N4BP1: variants seen among roughly 807,000 people sequenced by gnomAD.
N4BP1 encodes NEDD4 binding protein 1.
Under a neutral mutation model 70.9 loss-of-function variants are expected in N4BP1, and 21 were observed. The observed-to-expected ratio is 0.30, with a 90% confidence interval of 0.21 to 0.43. The LOEUF (loss-of-function observed/expected upper bound fraction) is 0.43. Ranked by LOEUF, N4BP1 falls within the 20% of genes least tolerant of loss-of-function variation. N4BP1 has a pLI of 1.00. For synonymous variants in N4BP1, 387 were observed against 394.6 expected (o/e 0.98, Z 0.23); for missense variants, 936 against 1,069.4 (o/e 0.88, Z 1.74).
chr16:48,549,533 G>C (rs1257950306), intron 4 of N4BP1, among the ~76,000 whole-genome samples: 1 of 152,190 alleles, frequency 6.6e-6, no homozygotes, highest in Admixed American at 6.5e-5. Context: ...AGCCCTGCAG[G>C]GTCCCTGCCC....
At chr16:48,555,971 G>A (rs1159817154) in intron 2 of N4BP1, among the ~76,000 whole-genome samples, 4 of 152,162 alleles carry the variant, frequency 2.6e-5, no homozygotes, top group African/African-American at 9.7e-5. Flanking sequence ...GGCAAGAGGA[G>A]GAACTGGATA....
intron 1 of N4BP1, among the ~76,000 whole-genome samples, chr16:48,575,144 C>T (rs958383778): frequency 5.3e-5 from 8 of 152,070 alleles, no homozygotes; most frequent in Admixed American, 2.0e-4. Context: ...GTAGCAACAA[C>T]GGATTATTAT....
intron 1 of N4BP1, among the ~76,000 whole-genome samples, chr16:48,589,316 T>G (rs11647048): frequency 0.36 from 54,452 of 151,662 alleles, 9,957 homozygotes; most frequent in African/African-American, 0.42. Flanking sequence ...TGACAGGGTC[T>G]CAACCCTACT....
intron 1 of N4BP1, among the ~76,000 whole-genome samples, chr16:48,598,100 C>T (rs371455025): frequency 1.3e-5 from 2 of 152,194 alleles, no homozygotes; most frequent in East Asian, 1.9e-4. Context: ...GATGTGCATG[C>T]CATATGAGAC....
chr16:48,593,884 G>A (rs573135099), intron 1 of N4BP1, among the ~76,000 whole-genome samples: 3 of 151,444 alleles, frequency 2.0e-5, no homozygotes, highest in African/African-American at 7.3e-5. Context: ...TGCCTGTAGT[G>A]CCAGCTACTC....
chr16:48,605,284 C>T (rs1477177540), intron 1 of N4BP1, among the ~76,000 whole-genome samples: 1 of 152,126 alleles, frequency 6.6e-6, no homozygotes, highest in African/African-American at 2.4e-5. Context: ...GACCACTCGG[C>T]ATCCCAAAGT....
rs140639490 is a variant in N4BP1 at position 48,597,268 on chromosome 16, G to A, written c.198+12507C>T. 1.2e-4 allele frequency among the ~76,000 whole-genome samples: 18 copies of A among 152,262 alleles called. No homozygotes were observed. In the East Asian group the frequency reaches 1.5e-3, roughly 13 times the overall value. On this transcript the variant is annotated intron_variant, in intron 1 of 6. Transcript: ENST00000262384. ...AGAGGACAAGGTGAACCCGTTGGGCGGTTACATTGGTATCAACTTCCTGAA... is the reference window on the plus strand; with the variant it reads ...AGAGGACAAGGTGAACCCGTTGGGCAGTTACATTGGTATCAACTTCCTGAA...
intron 1 of N4BP1, among the ~76,000 whole-genome samples, chr16:48,566,980 C>T (rs1042159952): frequency 1.3e-5 from 2 of 152,188 alleles, no homozygotes; most frequent in Admixed American, 6.5e-5. Context: ...TCTCTGGTAA[C>T]TTTCTTTGCT....
chr16:48,560,262 C>T (rs1963833591), intron 2 of N4BP1, among the ~76,000 whole-genome samples: 1 of 152,156 alleles, frequency 6.6e-6, no homozygotes, highest in Non-Finnish European at 1.5e-5. Flanking sequence ...CAGTGAAGCT[C>T]AAAGTGACTA....
chr16:48,557,225 A>C (rs540029428), intron 2 of N4BP1, among the ~76,000 whole-genome samples: 4 of 152,308 alleles, frequency 2.6e-5, no homozygotes, highest in Non-Finnish European at 4.4e-5. Flanking sequence ...CTATTGCTTA[A>C]GGACCAAATA....
At chr16:48,555,837 C>T (rs1460603441) in intron 2 of N4BP1, among the ~76,000 whole-genome samples, 1 of 152,154 alleles carries the variant, frequency 6.6e-6, no homozygotes, top group African/African-American at 2.4e-5. Context: ...TATATTTAGT[C>T]CTCAAAAGGA....
At chr16:48,549,710 G>A (rs189744245) in intron 4 of N4BP1, among the ~76,000 whole-genome samples, 74 of 152,336 alleles carry the variant, frequency 4.9e-4, no homozygotes, top group Non-Finnish European at 8.1e-4. Flanking sequence ...GCAAGGGACT[G>A]TCAATGAGAA....
At chr16:48,587,861 T>C (rs1265598402) in intron 1 of N4BP1, among the ~76,000 whole-genome samples, 1 of 152,174 alleles carries the variant, frequency 6.6e-6, no homozygotes, top group Non-Finnish European at 1.5e-5. Context: ...TTAAGGTCAA[T>C]TCCTGGAAAG....
chr16:48,605,537 C>T (rs572210345), intron 1 of N4BP1, among the ~76,000 whole-genome samples: 1 of 152,332 alleles, frequency 6.6e-6, no homozygotes, highest in African/African-American at 2.4e-5. Flanking sequence ...TGTCTTCCAG[C>T]ACTGACTTCT....
intron 2 of N4BP1, among the ~76,000 whole-genome samples, chr16:48,554,132 T>G (rs1280786626): frequency 2.0e-5 from 3 of 149,130 alleles, no homozygotes; most frequent in African/African-American, 5.0e-5. Flanking sequence ...TGGGGGGCCG[T>G]GAAAGGCTAT....
At chr16:48,591,983 CT>C (rs1319841950) in intron 1 of N4BP1, among the ~76,000 whole-genome samples, 2 of 150,626 alleles carry the variant, frequency 1.3e-5, no homozygotes, top group South Asian at 4.3e-4. Flanking sequence ...ACAAAATGTA[CT>C]TTAAGGGATG....
chr16:48,606,136 C>T (rs1315908973), intron 1 of N4BP1, among the ~76,000 whole-genome samples: 1 of 152,128 alleles, frequency 6.6e-6, no homozygotes, highest in African/African-American at 2.4e-5. Context: ...AGAAGTCTTC[C>T]TTAAATGTTG....
At position 48,543,264 on chromosome 16, in the gene N4BP1, G is replaced by A; in HGVS notation, c.2334-3C>T. ...CACTGAGTAGGGGCTGCATATCTCT[G>A]TGAATGGAAGTGAGTCCTGGTGAGT... On this transcript the variant is annotated splice_polypyrimidine_tract_variant and splice_region_variant and intron_variant, in intron 6 of 6. Transcript: ENST00000262384. 12 of 1,506,530 alleles carry A rather than the reference G, an allele frequency of 8.0e-6. No homozygotes were observed. Among genetic ancestry groups the A allele is most frequent in the Non-Finnish European group, 1.1e-5 (12 of 1,127,756 alleles). 93.3% of individuals were successfully genotyped at this position (1,506,530 alleles called of 1,614,324 possible).
intron 1 of N4BP1, among the ~76,000 whole-genome samples, chr16:48,602,589 G>T (rs561075111): frequency 1.3e-5 from 2 of 152,140 alleles, no homozygotes; most frequent in Non-Finnish European, 2.9e-5. Flanking sequence ...TTAAGAAGAT[G>T]ATTTTCACAA....
Sources: gnomAD v4.1 joint callset for allele counts (sites outside exome capture counted in the v4.1 genomes callset) on GRCh38, gnomAD v4.1.1 for gene constraint, MANE v1.5 for transcripts, NCBI Gene and HGNC (gene_info 2026-07-23, HGNC 2026-07-21) for gene names.